Variants in DRC1 observed in about 807,000 individuals in gnomAD.
The protein encoded by DRC1 is dynein regulatory complex protein 1.
A neutral mutation model predicts 98.7 loss-of-function variants in DRC1; 74 were observed. The observed-to-expected ratio is 0.75, with a 90% CI of 0.62 to 0.91. DRC1 has a LOEUF of 0.91. Among genes scored for constraint, DRC1 ranks in the 40% least tolerant of loss-of-function variants. The probability of loss-of-function intolerance (pLI) is 0.00; values close to 1 mark genes in which losing one functional copy is unlikely to be tolerated. For synonymous variants in DRC1, 336 were observed against 334.1 expected (o/e 1.01, Z -0.06); for missense variants, 875 against 886.0 (o/e 0.99, Z 0.16).
chr2:26,456,510 CA>C lies in DRC1; in HGVS notation c.2220del (p.Lys740AsnfsTer11). 1 of 1,614,116 alleles carries C rather than the reference CA, an allele frequency of 6.2e-7. No homozygotes were observed. ...VPPTQVLRVP[T>X]K ...CCCACTCAGGTGTTGCGGGTACCCACAAAATGAGCTGGACCGCCAAAGGCTG... is the reference window on the plus strand; with the variant it reads ...CCCACTCAGGTGTTGCGGGTACCCACAAATGAGCTGGACCGCCAAAGGCTG... On this transcript the variant is annotated frameshift_variant, in exon 17 of 17. Coordinates refer to ENST00000288710, the MANE Select transcript of DRC1 (RefSeq NM_145038.5). LOFTEE classifies it high-confidence loss of function.
At position 26,401,969 on chromosome 2, in the gene DRC1, T is replaced by A. The variant is rs773628023; in HGVS notation, c.-21T>A. ...TGGAGGTGGTGCGGAGGGAGCCGCC[T>A]AGGGACCAGGGACTCCTGCCATGAA... is the stretch of plus-strand genomic sequence containing the variant. On this transcript the variant is annotated 5_prime_UTR_variant, in exon 1 of 17. Coordinates refer to ENST00000288710, the MANE Select transcript of DRC1 (RefSeq NM_145038.5). 6.3e-7 allele frequency: 1 copy of A among 1,583,920 alleles called. No individual in the cohort carries two copies. Among genetic ancestry groups the A allele is most frequent in the Admixed American group, 1.8e-5 (1 of 55,642 alleles).
chr2:26,429,981 G>A (rs777937582), intron 5 of DRC1, among the ~76,000 whole-genome samples: 2 of 152,186 alleles, frequency 1.3e-5, no homozygotes, highest in Non-Finnish European at 2.9e-5. Flanking sequence ...CCAGGGGCCT[G>A]GGGGTGCAGC....
At chr2:26,448,627 A>G in intron 10 of DRC1, 64 bp from the exon 11 acceptor site, 2 of 1,532,802 alleles carry the variant, frequency 1.3e-6, no homozygotes, top group South Asian at 1.1e-5. Flanking sequence ...TGTTTCTCAG[A>G]GTCAACTAGC....
At chr2:26,413,166 T>G (rs1378262050) in intron 1 of DRC1, among the ~76,000 whole-genome samples, 1 of 152,252 alleles carries the variant, frequency 6.6e-6, no homozygotes, top group African/African-American at 2.4e-5. Flanking sequence ...TGTGGACATC[T>G]TTCCCTGCTG....
rs1241300775 is a variant in DRC1, at chr2:26,430,800, G to A, written c.693G>A (p.Val231=). ...ELYNIEKAFE[V]ERQELLASNK... ...CTTGGTCGTAGAAAGCATTTGAGGT[G>A]GAACGCCAAGAGCTACTGGCCAGTA... The change falls in exon 6 of 17, where the codon GTG becomes GTA. Residue 231 remains valine, a synonymous_variant. Transcript: ENST00000288710. 2 of 1,614,054 alleles carry A rather than the reference G, an allele frequency of 1.2e-6. No homozygotes were observed. Among genetic ancestry groups the A allele is most frequent in the South Asian group, 1.1e-5 (1 of 91,084 alleles).
rs555020842 is a variant in DRC1, at chr2:26,454,275, G to A, written c.1920-372G>A. Reference sequence around the variant, plus strand: ...CATCAGGAGGCTTGTCCAGGTGGGAGGTGAGGATCCCCCAGATTAAGGCTG... The same window carrying A: ...CATCAGGAGGCTTGTCCAGGTGGGAAGTGAGGATCCCCCAGATTAAGGCTG... On this transcript the variant is annotated intron_variant, in intron 14 of 16. Transcript: ENST00000288710. The surrounding 1 kb of genome is among the most constrained non-coding windows in gnomAD (Gnocchi z 5.2). 6.6e-6 allele frequency among the ~76,000 whole-genome samples: 1 copy of A among 152,280 alleles called. No homozygotes were observed. The highest frequency in any genetic ancestry group is 1.5e-5 in the Non-Finnish European group (1 of 68,010).
chr2:26,429,858 T>C (rs1468484409), intron 5 of DRC1, 93 bp downstream of exon 5: 1 of 1,339,720 alleles, frequency 7.5e-7, no homozygotes, highest in Non-Finnish European at 1.0e-6. Context: ...GGGCCCTACA[T>C]GACTTCTCTG....
chr2:26,446,070 T>G (rs1474918171), intron 10 of DRC1, among the ~76,000 whole-genome samples: 1 of 150,602 alleles, frequency 6.6e-6, no homozygotes, highest in Non-Finnish European at 1.5e-5. Context: ...TCTCCAAGGA[T>G]CCCCTGGTCC....
chr2:26,409,665 G>A (rs747317926), intron 1 of DRC1, among the ~76,000 whole-genome samples: 6 of 152,124 alleles, frequency 3.9e-5, no homozygotes, highest in Non-Finnish European at 8.8e-5. Flanking sequence ...GCAACAACTA[G>A]AATAATGGAA....
At chr2:26,455,012 A>C in intron 15 of DRC1, 119 bp from the exon 16 acceptor site, 2 of 1,375,388 alleles carry the variant, frequency 1.5e-6, no homozygotes, top group South Asian at 1.2e-5. Flanking sequence ...CTGGGTGAAG[A>C]GTGTAGCTTC....
At chr2:26,431,827 G>A in intron 6 of DRC1, 57 bp from the exon 7 acceptor site, 4 of 1,604,612 alleles carry the variant, frequency 2.5e-6, no homozygotes, top group Non-Finnish European at 3.4e-6. Context: ...CCATCCGAAG[G>A]ATTGAGGTGG....
chr2:26,440,432 A>T lies in DRC1; in HGVS notation c.943A>T (p.Lys315Ter). ...AGCAATTTATCAGCTAAACCAAGAG[A>T]AATTAGAGTACAACTTGCAGGTGCT... The part of the protein sequence containing the change: ...RKAIYQLNQE[K>*]LEYNLQVLKK... The change falls in exon 8 of 17, where the codon AAA becomes TAA. Residue 315 changes from lysine (K) to a stop codon, truncating the protein, a stop_gained. Transcript: ENST00000288710. LOFTEE classifies it high-confidence loss of function. 1 of 1,613,480 alleles carries T rather than the reference A, an allele frequency of 6.2e-7. No individual in the cohort carries two copies. Among genetic ancestry groups the T allele is most frequent in the Non-Finnish European group, 8.5e-7 (1 of 1,179,804 alleles).
chr2:26,444,954 T>C lies in DRC1; in HGVS notation c.1396+6T>C. The C allele has an allele frequency of 2.5e-6, 4 of 1,613,564 alleles. No individual in the cohort carries two copies. Among genetic ancestry groups the C allele is most frequent in the Non-Finnish European group, 3.4e-6 (4 of 1,179,832 alleles). On this transcript the variant is annotated splice_donor_region_variant and intron_variant, in intron 10 of 16. Transcript: ENST00000288710. ...AGAAATGCTTATGCGCTCAGGTGAC[T>C]AGAACACTGTCATAGAGCCTTAGAG... is the stretch of plus-strand genomic sequence containing the variant.
chr2:26,430,849 C>T lies in DRC1; in HGVS notation c.742C>T (p.Leu248Phe), dbSNP rs776709587. 3.7e-6 allele frequency: 6 copies of T among 1,613,804 alleles called. No individual in the cohort carries two copies. Among genetic ancestry groups the T allele is most frequent in the Non-Finnish European group, 5.1e-6 (6 of 1,179,924 alleles). Reference sequence around the variant, plus strand: ...TAATAAGAAGAAATGGGAGCAAGCCCTTCAGGCTCATAATGCCAAAGAGGT... The same window carrying T: ...TAATAAGAAGAAATGGGAGCAAGCCTTTCAGGCTCATAATGCCAAAGAGGT... Reference protein sequence around the residue: ...ASNKKKWEQALQAHNAKELEY... With the variant: ...ASNKKKWEQAFQAHNAKELEY... Residue 248 changes from leucine (L) to phenylalanine (F), a missense_variant, in exon 6 of 17, where the codon CTT becomes TTT. Transcript: ENST00000288710.
intron 4 of DRC1, among the ~76,000 whole-genome samples, chr2:26,426,658 C>A (rs180701778): frequency 6.6e-6 from 1 of 152,104 alleles, no homozygotes; most frequent in Non-Finnish European, 1.5e-5. Flanking sequence ...GGAGCCACTG[C>A]GCCCAGCCTG....
intron 2 of DRC1, among the ~76,000 whole-genome samples, chr2:26,419,150 A>G (rs1319550549): frequency 6.6e-6 from 1 of 151,940 alleles, no homozygotes; most frequent in Non-Finnish European, 1.5e-5. Context: ...TGGCCTCCCA[A>G]ATTGCTGGGA....
intron 7 of DRC1, 37 bp downstream of exon 7, chr2:26,432,043 C>T (rs370784864): frequency 1.6e-5 from 26 of 1,603,046 alleles, no homozygotes; most frequent in Middle Eastern, 1.7e-4. Context: ...GCCTGGGTGG[C>T]GGAGCAGATG....
At chr2:26,421,532 TC>T in intron 3 of DRC1, 132 bp downstream of exon 3, 1 of 374,504 alleles carries the variant, frequency 2.7e-6, no homozygotes. Context: ...AACTTCTCCC[TC>T]CCTCCCTCCT....
intron 8 of DRC1, among the ~76,000 whole-genome samples, chr2:26,441,057 A>G (rs1663705382): frequency 6.6e-6 from 1 of 152,222 alleles, no homozygotes; most frequent in Non-Finnish European, 1.5e-5. Flanking sequence ...TTTTGTGGAG[A>G]TACCGTGGCT....
Sources: gnomAD v4.1 joint callset for allele counts (sites outside exome capture counted in the v4.1 genomes callset) on GRCh38, gnomAD v4.1.1 for gene constraint, Gnocchi (gnomAD v3.1) non-coding constraint, MANE v1.5 for transcripts, NCBI Gene and HGNC (gene_info 2026-07-23, HGNC 2026-07-21) for gene names.